Variants in SYNPO observed in about 807,000 individuals in gnomAD.
The protein encoded by SYNPO is synaptopodin.
In SYNPO, 19 loss-of-function variants were observed where a neutral mutation model predicts 49.5. The observed-to-expected ratio is 0.38, with a 90% confidence interval of 0.27 to 0.56. The LOEUF (loss-of-function observed/expected upper bound fraction) is 0.56, where lower values mean the gene tolerates loss of function less well. Ranked by LOEUF, SYNPO falls within the 20% of genes least tolerant of loss-of-function variation. The probability of loss-of-function intolerance (pLI) is 0.68; values close to 1 mark genes in which losing one functional copy is unlikely to be tolerated. For synonymous variants in SYNPO, 536 were observed against 548.0 expected, an observed-to-expected ratio of 0.98 and a Z score of 0.31; for missense variants, 1,131 against 1,248.3, an observed-to-expected ratio of 0.91 and a Z score of 1.42.
At position 150,618,499 on chromosome 5, in the gene SYNPO, G is replaced by A. The variant is rs1757044686; in HGVS notation, c.132G>A (p.Glu44=). 8 of 1,551,420 alleles carry A rather than the reference G, an allele frequency of 5.2e-6. No homozygotes were observed. The South Asian group carries it at 8.3e-5, about 16-fold the overall frequency. The change falls in exon 2 of 3, where the codon GAG becomes GAA. Residue 44 remains glutamate, a synonymous_variant. Transcript: ENST00000394243. The stretch of plus-strand genomic sequence containing the variant: ...AAGCCGAGGAGAGCAGCGGTGAGGA[G>A]GGCCTGCAGGGAGAGGTGGGGCCTA...
chr5:150,657,165 G>A lies in SYNPO; in HGVS notation c.*78G>A. On this transcript the variant is annotated 3_prime_UTR_variant, in exon 3 of 3. Coordinates refer to ENST00000307662, the MANE Select transcript of SYNPO (RefSeq NM_007286.6). Reference sequence around the variant, plus strand: ...AGACCTGGGGGACCCAAAGGGTCTGGCCTCTTTGGGCAGCCCCAGAGATGA... The same window carrying A: ...AGACCTGGGGGACCCAAAGGGTCTGACCTCTTTGGGCAGCCCCAGAGATGA... 1.4e-6 allele frequency: 2 copies of A among 1,437,288 alleles called. No individual in the cohort carries two copies. Among genetic ancestry groups the A allele is most frequent in the Non-Finnish European group, 1.9e-6 (2 of 1,074,032 alleles). 89.0% of individuals were successfully genotyped at this position (1,437,288 alleles called of 1,614,324 possible).
chr5:150,646,422 ATAT>A (rs1758094681), intron 1 of SYNPO, among the ~76,000 whole-genome samples: 1 of 152,194 alleles, frequency 6.6e-6, no homozygotes, highest in African/African-American at 2.4e-5. Context: ...AAAAGGGGAA[ATAT>A]TAGTGGCGTC....
the SYNPO span, among the ~76,000 whole-genome samples, chr5:150,591,673 G>C: frequency 1.6e-3 from 237 of 152,284 alleles, no homozygotes; most frequent in Non-Finnish European, 5.7e-4. Flanking sequence ...TATTGCTACT[G>C]TAAAGGGAAG....
chr5:150,588,892 T>A, the SYNPO span, among the ~76,000 whole-genome samples: 2 of 152,032 alleles, frequency 1.3e-5, no homozygotes, highest in African/African-American at 4.8e-5. Flanking sequence ...AAAAATAAAT[T>A]TTCCTTCCCC....
intron 1 of SYNPO, among the ~76,000 whole-genome samples, chr5:150,606,784 C>A (rs1281285186): frequency 2.6e-5 from 4 of 152,180 alleles, no homozygotes; most frequent in Non-Finnish European, 5.9e-5. Flanking sequence ...GGCTGGCCAA[C>A]CGAGCAAATC....
rs376731190 is a variant in SYNPO, at chr5:150,657,415, TTC to T, written c.*345_*346del. The T allele has an allele frequency of 0.012, 2,223 of 192,058 alleles. 16 individuals carry two copies. Among genetic ancestry groups the T allele is most frequent in the Middle Eastern group, 0.018 (9 of 514 alleles). The allele number at this position is 192,058 out of a possible 1,614,324, so 11.9% of individuals were successfully genotyped here. A position where few individuals can be genotyped will look rare whatever the true frequency, so the allele number is the denominator to read the frequency against. On this transcript the variant is annotated 3_prime_UTR_variant, in exon 3 of 3. Transcript: ENST00000307662. Reference sequence around the variant, plus strand: ...ACACCGATGCACACACACTCTCTCTTTCTCTCTCTCTCTCTCTCACACACACA... The same window carrying T: ...ACACCGATGCACACACACTCTCTCTTTCTCTCTCTCTCTCTCACACACACA...
At chr5:150,591,139 C>G in the SYNPO span, among the ~76,000 whole-genome samples, 51 of 152,152 alleles carry the variant, frequency 3.4e-4, no homozygotes, top group Admixed American at 8.5e-4. Context: ...GGACATGGCC[C>G]GCAGCCCTGA....
intron 2 of SYNPO, chr5:150,624,802 G>A (rs1757296071): frequency 1.0e-6 from 1 of 962,502 alleles, no homozygotes; most frequent in East Asian, 1.2e-4. Flanking sequence ...GCCTGGCGCG[G>A]GGCGGGGGTG....
chr5:150,603,914 G>C (rs1581445169), intron 1 of SYNPO, among the ~76,000 whole-genome samples: 1 of 152,304 alleles, frequency 6.6e-6, no homozygotes, highest in East Asian at 1.9e-4. Flanking sequence ...GGAGACTCTT[G>C]TTCTTATGGA....
the SYNPO span, among the ~76,000 whole-genome samples, chr5:150,593,296 T>C: frequency 6.6e-6 from 1 of 152,184 alleles, no homozygotes; most frequent in Non-Finnish European, 1.5e-5. Context: ...GGAAAGCTCC[T>C]TTCTGAGCTT....
intron 2 of SYNPO, chr5:150,652,307 C>A: frequency 1.0e-6 from 1 of 994,858 alleles, no homozygotes; most frequent in Non-Finnish European, 1.2e-6. Context: ...ACTTTGTTTT[C>A]TCTCATGTTC....
chr5:150,655,707 C>T (rs1758525684), intron 2 of SYNPO, among the ~76,000 whole-genome samples: 1 of 152,326 alleles, frequency 6.6e-6, no homozygotes, highest in South Asian at 2.1e-4. Context: ...GGCTGGAGTG[C>T]GGTGGCACGA....
intron 2 of SYNPO, among the ~76,000 whole-genome samples, chr5:150,633,443 G>T (rs1757606637): frequency 6.6e-6 from 1 of 152,338 alleles, no homozygotes; most frequent in East Asian, 1.9e-4. Context: ...AGTGAGAGGG[G>T]TCTTGTGGCT....
intron 1 of SYNPO, among the ~76,000 whole-genome samples, chr5:150,615,680 TTG>T (rs1756966155): frequency 6.6e-6 from 1 of 152,200 alleles, no homozygotes. Flanking sequence ...CTAAGATTCT[TTG>T]AAACTCAAAT....
At chr5:150,650,628 G>GC (rs1758342921) in intron 2 of SYNPO, 1 of 1,445,636 alleles carries the variant, frequency 6.9e-7, no homozygotes, top group Non-Finnish European at 9.1e-7. Context: ...GCATCCTCTG[G>GC]CCTTTGTGAG....
chr5:150,645,333 C>T (rs181146317), intron 1 of SYNPO, among the ~76,000 whole-genome samples: 1 of 152,216 alleles, frequency 6.6e-6, no homozygotes, highest in Admixed American at 6.5e-5. Flanking sequence ...TAATTAGCTT[C>T]CCACAGTAGG....
At chr5:150,619,338 G>T (rs1757078783) in intron 2 of SYNPO, among the ~76,000 whole-genome samples, 1 of 152,214 alleles carries the variant, frequency 6.6e-6, no homozygotes, top group Non-Finnish European at 1.5e-5. Flanking sequence ...CAGCGTGTTA[G>T]TAGTGGCTGA....
In SYNPO at chr5:150,656,753, C is replaced by CCCCGA; in HGVS notation, c.2382_2383insACCCG (p.Pro795ThrfsTer146). ...CCGCCGAGGGCGCCACCGCCCCCGCCCCCGCCCCCGCCCCCGCCCCCGCGC... is the reference window on the plus strand; with the variant it reads ...CCGCCGAGGGCGCCACCGCCCCCGCCCCCGACCCGCCCCCGCCCCCGCCCCCGCGC... On this transcript the variant is annotated frameshift_variant, in exon 3 of 3. Transcript: ENST00000307662. LOFTEE classifies it low-confidence loss of function (END_TRUNC). The CCCCGA allele has an allele frequency of 8.5e-7, 1 of 1,179,948 alleles. No individual in the cohort carries two copies. The highest frequency in any genetic ancestry group is 1.0e-6 in the Non-Finnish European group (1 of 965,740). The allele number at this position is 1,179,948 out of a possible 1,614,324, so 73.1% of individuals were successfully genotyped here. A position where few individuals can be genotyped will look rare whatever the true frequency, so the allele number is the denominator to read the frequency against.
Position 150,657,432 on chromosome 5 carries a change from T to TCACA in SYNPO, c.*387_*390dup, listed in dbSNP as rs58828199. 3.6e-3 allele frequency: 500 copies of TCACA among 139,730 alleles called. 3 individuals carry two copies. The highest frequency in any genetic ancestry group is 0.013 in the South Asian group (64 of 4,834). The allele number at this position is 139,730 out of a possible 1,614,324, so 8.7% of individuals were successfully genotyped here. ...CTCTCTCTTTCTCTCTCTCTCTCTC[T>TCACA]CACACACACACACACACACACACAC... On this transcript the variant is annotated 3_prime_UTR_variant, in exon 3 of 3. Transcript: ENST00000307662.
Sources: gnomAD v4.1 joint callset for allele counts (sites outside exome capture counted in the v4.1 genomes callset) on GRCh38, gnomAD v4.1.1 for gene constraint, MANE v1.5 for transcripts, NCBI Gene and HGNC (gene_info 2026-07-23, HGNC 2026-07-21) for gene names.